MYOZ2: variants seen among roughly 807,000 people sequenced by gnomAD.
MYOZ2 encodes myozenin 2.
A neutral mutation model predicts 25.4 loss-of-function variants in MYOZ2; 19 were observed. The observed-to-expected ratio is 0.75, with a 90% confidence interval of 0.52 to 1.10. MYOZ2 has a LOEUF of 1.10. Among genes scored for constraint, MYOZ2 ranks in the 50% least tolerant of loss-of-function variants. MYOZ2 has a pLI of 0.00. For missense variants in MYOZ2, 270 were observed against 317.9 expected (o/e 0.85, Z 1.15); for synonymous variants, 92 against 106.9 (o/e 0.86, Z 0.86).
At chr4:119,173,463 C>T (rs929289732) in intron 5 of MYOZ2, among the ~76,000 whole-genome samples, 1 of 152,218 alleles carries the variant, frequency 6.6e-6, no homozygotes, top group East Asian at 1.9e-4. Context: ...GAAAACTTAA[C>T]ATCTCTATTA....
At chr4:119,155,731 C>A (rs1158998604) in intron 3 of MYOZ2, among the ~76,000 whole-genome samples, 3 of 152,054 alleles carry the variant, frequency 2.0e-5, no homozygotes, top group Non-Finnish European at 1.5e-5. Context: ...GGAACAATTT[C>A]TAAAGATTGG....
chr4:119,158,248 A>G, intron 4 of MYOZ2, 97 bp downstream of exon 4: 2 of 1,479,770 alleles, frequency 1.4e-6, no homozygotes, highest in Non-Finnish European at 1.9e-6. Context: ...TATTTAAATA[A>G]TATATCTTTT....
Position 119,166,567 on chromosome 4 carries a change from C to T in MYOZ2, c.560+2173C>T, listed in dbSNP as rs527264570. On this transcript the variant is annotated intron_variant, in intron 5 of 5. Transcript: ENST00000307128. ...ACAAAGTTTAAGACATTGTCTAGTA[C>T]GTGCATTGCTTTAGAAGTCCACTTA... 8.6e-5 allele frequency among the ~76,000 whole-genome samples: 13 copies of T among 151,942 alleles called. No homozygotes were observed. In the South Asian group the frequency reaches 1.2e-3, roughly 15 times the overall value.
At chr4:119,172,096 T>C (rs1741959811) in intron 5 of MYOZ2, among the ~76,000 whole-genome samples, 1 of 152,174 alleles carries the variant, frequency 6.6e-6, no homozygotes, top group Non-Finnish European at 1.5e-5. Context: ...TAGTTCAACT[T>C]TGAATTTTTG....
chr4:119,142,193 G>A (rs781258684), intron 2 of MYOZ2, among the ~76,000 whole-genome samples: 4 of 152,140 alleles, frequency 2.6e-5, no homozygotes, highest in Non-Finnish European at 4.4e-5. Context: ...CCAAATTCAA[G>A]CTACCACCAT....
chr4:119,153,283 A>G (rs1295156763), intron 3 of MYOZ2, among the ~76,000 whole-genome samples: 4 of 152,146 alleles, frequency 2.6e-5, no homozygotes, highest in African/African-American at 9.6e-5. Flanking sequence ...TGAAAGGTTA[A>G]TATGACAGGA....
chr4:119,177,036 G>A (rs554299781), intron 5 of MYOZ2, among the ~76,000 whole-genome samples: 3 of 151,988 alleles, frequency 2.0e-5, no homozygotes, highest in African/African-American at 4.8e-5. Context: ...ACTCCAGTCT[G>A]GGTGACAAGA....
At chr4:119,185,892 A>AATTATGAAATTGTTTTCT (rs1317619120) in intron 5 of MYOZ2, 74 bp from the exon 6 acceptor site, 35 of 1,251,834 alleles carry the variant, frequency 2.8e-5, no homozygotes, top group Non-Finnish European at 3.9e-5. Context: ...ATGCCTATAA[A>AATTATGAAATTGTTTTCT]ATTATGAAAT....
In MYOZ2 at chr4:119,136,577, A is replaced by G. The variant is rs1156829963; in HGVS notation, c.52A>G (p.Ile18Val). ...MKQRKQQATA[I>V]MKEVHGNDVD... ...GCAGAGAAAACAGCAAGCAACAGCC[A>G]TCATGAAGGAAGTCCATGGAAATGG... Residue 18 changes from isoleucine to valine, a missense_variant, in exon 2 of 6, where the codon ATC becomes GTC. Coordinates refer to ENST00000307128, the MANE Select transcript of MYOZ2 (RefSeq NM_016599.5). 1 of 1,613,566 alleles carries G rather than the reference A, an allele frequency of 6.2e-7. No homozygotes were observed. The highest frequency in any genetic ancestry group is 1.7e-5 in the Admixed American group (1 of 59,994).
At chr4:119,168,791 G>T (rs1385641655) in intron 5 of MYOZ2, among the ~76,000 whole-genome samples, 1 of 152,190 alleles carries the variant, frequency 6.6e-6, no homozygotes. Flanking sequence ...ATCTACCCCT[G>T]CTGAGGATGC....
chr4:119,158,772 CTTCT>C (rs1741643472), intron 4 of MYOZ2, among the ~76,000 whole-genome samples: 1 of 152,020 alleles, frequency 6.6e-6, no homozygotes, highest in Admixed American at 6.5e-5. Flanking sequence ...TATATATTGT[CTTCT>C]TTAATTTCGC....
At chr4:119,178,635 C>G (rs1742127290) in intron 5 of MYOZ2, among the ~76,000 whole-genome samples, 1 of 152,116 alleles carries the variant, frequency 6.6e-6, no homozygotes, top group Non-Finnish European at 1.5e-5. Flanking sequence ...GAGTTGGAGT[C>G]TCGCTCTGTC....
intron 5 of MYOZ2, among the ~76,000 whole-genome samples, chr4:119,182,393 C>A (rs970610580): frequency 2.6e-5 from 4 of 152,108 alleles, no homozygotes; most frequent in African/African-American, 9.7e-5. Context: ...GATCATGGTA[C>A]CTCAGGAAGG....
chr4:119,155,443 C>G (rs1425873915), intron 3 of MYOZ2, among the ~76,000 whole-genome samples: 1 of 152,086 alleles, frequency 6.6e-6, no homozygotes, highest in African/African-American at 2.4e-5. Context: ...TGGGATAATA[C>G]AGAATATGGA....
At chr4:119,165,816 C>A (rs192439837) in intron 5 of MYOZ2, among the ~76,000 whole-genome samples, 1 of 152,222 alleles carries the variant, frequency 6.6e-6, no homozygotes, top group African/African-American at 2.4e-5. Context: ...TGTAAGACTT[C>A]TCTGTATCTT....
intron 5 of MYOZ2, among the ~76,000 whole-genome samples, chr4:119,169,269 T>C (rs1741898607): frequency 6.6e-6 from 1 of 152,220 alleles, no homozygotes; most frequent in Non-Finnish European, 1.5e-5. Context: ...TTATATACGC[T>C]GGGAAATAAA....
At chr4:119,140,064 C>T (rs753890761) in intron 2 of MYOZ2, among the ~76,000 whole-genome samples, 2 of 152,240 alleles carry the variant, frequency 1.3e-5, no homozygotes, top group Non-Finnish European at 2.9e-5. Flanking sequence ...GACGAGACAT[C>T]AGATTTCACA....
chr4:119,166,252 T>C (rs72910572), intron 5 of MYOZ2, among the ~76,000 whole-genome samples: 3,037 of 152,148 alleles, frequency 0.02, 99 homozygotes, highest in African/African-American at 0.069. Context: ...AACAGATAGC[T>C]GTAAGATCCT....
intron 4 of MYOZ2, among the ~76,000 whole-genome samples, chr4:119,160,397 A>C (rs1048240171): frequency 1.3e-5 from 2 of 152,038 alleles, no homozygotes; most frequent in African/African-American, 4.8e-5. Context: ...GCTGTCATTC[A>C]CTTAGAACTT....
Sources: allele counts gnomAD v4.1 joint callset (sites outside exome capture counted in the v4.1 genomes callset), GRCh38; gene constraint gnomAD v4.1.1; transcripts MANE v1.5; gene names NCBI Gene and HGNC (gene_info 2026-07-23, HGNC 2026-07-21).